VPS41: variants seen among roughly 807,000 people sequenced by gnomAD.
The protein encoded by VPS41 is VPS41 subunit of HOPS complex.
Under a neutral mutation model 130.9 loss-of-function variants are expected in VPS41, and 85 were observed. The observed-to-expected ratio is 0.65, with a 90% CI of 0.55 to 0.78. The LOEUF is 0.78. VPS41 is among the 30% of genes least tolerant of loss of function. The pLI is 0.00. For missense variants in VPS41, 874 were observed against 1,018.7 expected (o/e 0.86, Z 1.93); for synonymous variants, 335 against 332.9 (o/e 1.01, Z -0.07).
chr7:38,753,751 CT>C (rs1422154701), intron 21 of VPS41, among the ~76,000 whole-genome samples: 1 of 152,084 alleles, frequency 6.6e-6, no homozygotes, highest in East Asian at 1.9e-4. Context: ...TGGAGCCTTG[CT>C]TGGGAAGCAG....
At chr7:38,795,947 T>C (rs1278462564) in intron 8 of VPS41, among the ~76,000 whole-genome samples, 1 of 152,104 alleles carries the variant, frequency 6.6e-6, no homozygotes. Flanking sequence ...CCATGAAAAA[T>C]GAAGTTTGTT....
chr7:38,909,167 T>C lies in VPS41; in HGVS notation c.8A>G (p.Glu3Gly). 6.2e-7 allele frequency: 1 copy of C among 1,614,230 alleles called. No individual in the cohort carries two copies. Among genetic ancestry groups the C allele is most frequent in the South Asian group, 1.1e-5 (1 of 91,088 alleles). ...TGCACCCTTTACCTGCTCCTCTGCT[T>C]CCGCCATGGCGCCACGGGAGAGTCA... MA[E>G]AEEQETGSLE... Residue 3 changes from glutamate to glycine, a missense_variant, in exon 1 of 29, where the codon GAA becomes GGA. Transcript: ENST00000310301.
rs187774024 is a variant in VPS41 at position 38,771,169 on chromosome 7, A to G, written c.1185+29T>C. Reference sequence around the variant, plus strand: ...CTATAACTTATTGAAAGATAAAATTATGTTTCAAATAACAAATTGCACACT... The same window carrying G: ...CTATAACTTATTGAAAGATAAAATTGTGTTTCAAATAACAAATTGCACACT... On this transcript the variant is annotated intron_variant, in intron 14 of 28. Coordinates refer to ENST00000310301, the MANE Select transcript of VPS41 (RefSeq NM_014396.4). 44 of 1,474,626 alleles carry G rather than the reference A, an allele frequency of 3.0e-5. No homozygotes were observed. In the Middle Eastern group the frequency reaches 9.0e-4, roughly 30 times the overall value. The allele number at this position is 1,474,626 out of a possible 1,614,324, so 91.3% of individuals were successfully genotyped here.
intron 2 of VPS41, among the ~76,000 whole-genome samples, chr7:38,892,568 T>A (rs758092622): frequency 1.3e-5 from 2 of 152,216 alleles, no homozygotes; most frequent in East Asian, 1.9e-4. Flanking sequence ...AGCAGTAACT[T>A]GTAGGACTTA....
intron 1 of VPS41, among the ~76,000 whole-genome samples, chr7:38,900,989 T>C (rs1787127849): frequency 6.6e-6 from 1 of 152,224 alleles, no homozygotes; most frequent in African/African-American, 2.4e-5. Context: ...GGCTGAACTT[T>C]GAGAAAGGTA....
chr7:38,806,614 G>T (rs961798596), intron 7 of VPS41, among the ~76,000 whole-genome samples: 5 of 152,010 alleles, frequency 3.3e-5, no homozygotes, highest in Admixed American at 6.6e-5. Context: ...AGCCAATGAA[G>T]GTCAGAAAGA....
At chr7:38,786,436 T>C (rs1340506453) in intron 10 of VPS41, among the ~76,000 whole-genome samples, 2 of 152,190 alleles carry the variant, frequency 1.3e-5, no homozygotes, top group Admixed American at 6.5e-5. Flanking sequence ...TTACTTATTA[T>C]GGAGAAACTT....
intron 22 of VPS41, among the ~76,000 whole-genome samples, chr7:38,751,071 T>C (rs1461850574): frequency 6.6e-6 from 1 of 152,184 alleles, no homozygotes; most frequent in Non-Finnish European, 1.5e-5. Context: ...GGGCCCCAAA[T>C]ATAAAATGCT....
intron 10 of VPS41, among the ~76,000 whole-genome samples, chr7:38,788,451 C>T (rs1187889883): frequency 2.6e-5 from 4 of 152,170 alleles, no homozygotes; most frequent in East Asian, 1.9e-4. Context: ...ATGTAAGCAG[C>T]ACAATGCCCT....
chr7:38,757,702 T>C (rs549732133), intron 18 of VPS41, among the ~76,000 whole-genome samples: 2 of 151,586 alleles, frequency 1.3e-5, no homozygotes, highest in African/African-American at 2.4e-5. Flanking sequence ...GGGAGAGGAG[T>C]GGCCTGAGGT....
chr7:38,776,630 C>G (rs1206621490), intron 11 of VPS41, 49 bp downstream of exon 11: 2 of 1,060,554 alleles, frequency 1.9e-6, no homozygotes, highest in South Asian at 2.6e-5. Context: ...GGGTGTAATG[C>G]TAAAAGTGAA....
chr7:38,833,582 A>G (rs1785435159), intron 4 of VPS41, among the ~76,000 whole-genome samples: 1 of 152,168 alleles, frequency 6.6e-6, no homozygotes, highest in Non-Finnish European at 1.5e-5. Flanking sequence ...TCATCTTCTC[A>G]GTGAGATCTG....
At chr7:38,853,275 T>C (rs1016706057) in intron 4 of VPS41, among the ~76,000 whole-genome samples, 1 of 151,866 alleles carries the variant, frequency 6.6e-6, no homozygotes, top group African/African-American at 2.4e-5. Context: ...AAAAATTAGC[T>C]GGGCATGGTG....
At chr7:38,760,722 A>C (rs1783893266) in intron 17 of VPS41, among the ~76,000 whole-genome samples, 1 of 152,088 alleles carries the variant, frequency 6.6e-6, no homozygotes, top group Non-Finnish European at 1.5e-5. Context: ...ATAAACCTTA[A>C]AGTCGATTGA....
chr7:38,833,820 AC>A (rs1345917890), intron 4 of VPS41, among the ~76,000 whole-genome samples: 2 of 152,160 alleles, frequency 1.3e-5, no homozygotes, highest in African/African-American at 2.4e-5. Context: ...ATGCTCCTCA[AC>A]CCATTTTACC....
intron 22 of VPS41, among the ~76,000 whole-genome samples, chr7:38,749,170 A>G (rs1298526442): frequency 6.6e-6 from 1 of 152,284 alleles, no homozygotes; most frequent in East Asian, 1.9e-4. Flanking sequence ...TTTGATAACT[A>G]TAACTAGGGC....
At chr7:38,774,956 A>G (rs58647428) in intron 11 of VPS41, among the ~76,000 whole-genome samples, 7,451 of 152,234 alleles carry the variant, frequency 0.049, 616 homozygotes, top group African/African-American at 0.17. Flanking sequence ...TGATGGTGGC[A>G]AGTACACAGA....
At position 38,758,335 on chromosome 7, in the gene VPS41, A is replaced by G. The variant is rs1362867192; in HGVS notation, c.1550+19T>C. ...CAACACAGACTGATATGGAAAAAGA[A>G]ACACTTAAGTATACTCACAATTCTG... On this transcript the variant is annotated intron_variant, in intron 18 of 28. Transcript: ENST00000310301. 6.3e-7 allele frequency: 1 copy of G among 1,586,598 alleles called. No homozygotes were observed. Among genetic ancestry groups the G allele is most frequent in the Non-Finnish European group, 8.5e-7 (1 of 1,170,996 alleles).
chr7:38,740,770 C>A (rs1356889498), intron 25 of VPS41, among the ~76,000 whole-genome samples: 4 of 152,170 alleles, frequency 2.6e-5, no homozygotes, highest in Admixed American at 2.6e-4. Flanking sequence ...TACTACTGTC[C>A]CCTGTGGAGA....
Sources: gnomAD v4.1 joint callset for allele counts (sites outside exome capture counted in the v4.1 genomes callset) on GRCh38, gnomAD v4.1.1 for gene constraint, MANE v1.5 for transcripts, NCBI Gene and HGNC (gene_info 2026-07-23, HGNC 2026-07-21) for gene names.